Variants in AGPS observed in about 807,000 individuals in gnomAD.
The protein encoded by AGPS is alkyldihydroxyacetonephosphate synthase, peroxisomal.
AGPS carries 26 observed loss-of-function variants against 90.7 expected under a neutral mutation model. The observed-to-expected ratio is 0.29, with a 90% CI of 0.21 to 0.40. AGPS has a LOEUF of 0.40. AGPS is among the 10% of genes least tolerant of loss of function. AGPS has a pLI of 1.00. For synonymous variants in AGPS, 294 were observed against 285.3 expected, an observed-to-expected ratio of 1.03 and a Z score of -0.31; for missense variants, 540 against 816.1, an observed-to-expected ratio of 0.66 and a Z score of 4.12.
intron 1 of AGPS, among the ~76,000 whole-genome samples, chr2:177,414,897 CGTGTGTGT>C (rs397986794): frequency 6.8e-6 from 1 of 146,216 alleles, no homozygotes; most frequent in African/African-American, 2.5e-5. Flanking sequence ...TATGAAGGTT[CGTGTGTGT>C]GTGTGTGTGT....
intron 1 of AGPS, among the ~76,000 whole-genome samples, chr2:177,404,845 A>G (rs969005835): frequency 6.6e-6 from 1 of 152,166 alleles, no homozygotes; most frequent in African/African-American, 2.4e-5. Context: ...CATTATTTTC[A>G]GAAAGTACAT....
At chr2:177,426,487 C>T (rs550714018) in intron 2 of AGPS, among the ~76,000 whole-genome samples, 30 of 152,326 alleles carry the variant, frequency 2.0e-4, no homozygotes, top group South Asian at 1.5e-3. Flanking sequence ...GAGGAGAATG[C>T]TTCCAGCTTT....
At position 177,420,463 on chromosome 2, in the gene AGPS, A is replaced by G. The variant is rs969458750; in HGVS notation, c.350+105A>G. ...TAATGATTCCTCCTTGAGTTTAAAC[A>G]TTATCAACATTTTGCCATAACTGCT... On this transcript the variant is annotated intron_variant, in intron 2 of 19. Transcript: ENST00000264167. 200 of 855,864 alleles carry G rather than the reference A, an allele frequency of 2.3e-4. 1 individual carries two copies. In the South Asian group the frequency reaches 2.3e-3, roughly 10 times the overall value. The allele number at this position is 855,864 out of a possible 1,614,324, so 53.0% of individuals were successfully genotyped here. A position where few individuals can be genotyped will look rare whatever the true frequency, so the allele number is the denominator to read the frequency against.
At chr2:177,434,295 G>C (rs1220808447) in intron 2 of AGPS, 32 bp from the exon 3 acceptor site, 2 of 1,466,048 alleles carry the variant, frequency 1.4e-6, no homozygotes, top group African/African-American at 2.8e-5. Flanking sequence ...AAGATACTTT[G>C]CTCTAATATT....
chr2:177,451,504 C>T (rs1457185380), intron 8 of AGPS, among the ~76,000 whole-genome samples: 1 of 151,848 alleles, frequency 6.6e-6, no homozygotes, highest in Non-Finnish European at 1.5e-5. Flanking sequence ...AGTTTTCTTT[C>T]TTTCTTTCCA....
rs2079256545 is a variant in AGPS, at chr2:177,543,340, A to G, written c.*5145A>G. ...ATAACGAATATTTCTGTTCTGGACA[A>G]TGATTAAATCTTATGAGAAATATAT... On this transcript the variant is annotated 3_prime_UTR_variant, in exon 20 of 20. Transcript: ENST00000264167. The G allele has an allele frequency of 6.6e-6, 1 of 152,160 alleles. No homozygotes were observed. Among genetic ancestry groups the G allele is most frequent in the Non-Finnish European group, 1.5e-5 (1 of 68,036 alleles). The allele number at this position is 152,160 out of a possible 1,614,324, so 9.4% of individuals were successfully genotyped here.
At chr2:177,499,526 C>G in intron 13 of AGPS, 92 bp from the exon 14 acceptor site, 1 of 798,066 alleles carries the variant, frequency 1.3e-6, no homozygotes, top group Non-Finnish European at 2.0e-6. Flanking sequence ...GTATTTGAGC[C>G]CAGATCAGAA....
intron 10 of AGPS, 93 bp downstream of exon 10, chr2:177,468,617 A>G: frequency 1.1e-6 from 1 of 910,710 alleles, no homozygotes; most frequent in South Asian, 1.4e-5. Context: ...TCTTTGAAAG[A>G]CATGTTTTAT....
At chr2:177,530,281 G>A (rs2079127086) in intron 19 of AGPS, among the ~76,000 whole-genome samples, 1 of 152,160 alleles carries the variant, frequency 6.6e-6, no homozygotes. Context: ...ATCGAAGAAT[G>A]TTATTTTCAT....
intron 1 of AGPS, among the ~76,000 whole-genome samples, chr2:177,401,259 A>G (rs1363009993): frequency 6.6e-6 from 1 of 152,174 alleles, no homozygotes; most frequent in East Asian, 1.9e-4. Context: ...GGGCTTTCTC[A>G]TATCTCATAG....
chr2:177,420,039 A>C (rs1277992088), intron 1 of AGPS, among the ~76,000 whole-genome samples: 1 of 151,550 alleles, frequency 6.6e-6, no homozygotes, highest in Non-Finnish European at 1.5e-5. Flanking sequence ...GAATGCATTA[A>C]ATTTATTGGT....
chr2:177,417,431 C>T (rs1685818112), intron 1 of AGPS, among the ~76,000 whole-genome samples: 1 of 152,196 alleles, frequency 6.6e-6, no homozygotes, highest in South Asian at 2.1e-4. Context: ...AAATCTGAAA[C>T]ACTTCTGGTC....
chr2:177,474,000 A>G (rs539699412), intron 10 of AGPS, among the ~76,000 whole-genome samples: 5 of 152,366 alleles, frequency 3.3e-5, no homozygotes, highest in Non-Finnish European at 4.4e-5. Context: ...AATTTAAGTC[A>G]TGATGCCTTC....
intron 1 of AGPS, among the ~76,000 whole-genome samples, chr2:177,413,422 T>C (rs189335921): frequency 2.6e-5 from 4 of 152,324 alleles, no homozygotes; most frequent in Admixed American, 2.6e-4. Context: ...TATGGATTGG[T>C]CAGTATAATA....
At position 177,540,667 on chromosome 2, in the gene AGPS, GTTTATT is replaced by G. The variant is rs1182181085; in HGVS notation, c.*2477_*2482del. The stretch of plus-strand genomic sequence containing the variant: ...TGACACTTCTTAACTCATTTTTAAT[GTTTATT>G]TTTAATTTCAAAAACTTGTTGCCTA... On this transcript the variant is annotated 3_prime_UTR_variant, in exon 20 of 20. Transcript: ENST00000264167. 2 of 151,996 alleles carry G rather than the reference GTTTATT, an allele frequency of 1.3e-5. No individual in the cohort carries two copies. Among genetic ancestry groups the G allele is most frequent in the African/African-American group, 2.4e-5 (1 of 41,414 alleles). The allele number at this position is 151,996 out of a possible 1,614,324, so 9.4% of individuals were successfully genotyped here. A position where few individuals can be genotyped will look rare whatever the true frequency, so the allele number is the denominator to read the frequency against.
chr2:177,521,073 C>T (rs913285072), intron 17 of AGPS, among the ~76,000 whole-genome samples, 196 bp from the exon 18 acceptor site: 2 of 152,190 alleles, frequency 1.3e-5, no homozygotes, highest in African/African-American at 2.4e-5. Context: ...TTTTGCACTG[C>T]GTCCTCAGTT....
intron 12 of AGPS, among the ~76,000 whole-genome samples, chr2:177,496,173 G>T (rs1251210321): frequency 1.3e-5 from 2 of 152,030 alleles, no homozygotes; most frequent in South Asian, 4.1e-4. Context: ...ATCTCGATGA[G>T]TTAAGTGAAC....
At position 177,538,281 on chromosome 2, in the gene AGPS, C is replaced by G. The variant is rs576870801; in HGVS notation, c.*86C>G. On this transcript the variant is annotated 3_prime_UTR_variant, in exon 20 of 20. Coordinates refer to ENST00000264167, the MANE Select transcript of AGPS (RefSeq NM_003659.4). Reference sequence around the variant, plus strand: ...TACTAGTAATCAAATATATCATGGACTATATTTTGGATACATTTGTTTCTT... The same window carrying G: ...TACTAGTAATCAAATATATCATGGAGTATATTTTGGATACATTTGTTTCTT... 206 of 1,364,342 alleles carry G rather than the reference C, an allele frequency of 1.5e-4. No homozygotes were observed. The Admixed American group carries it at 3.7e-3, about 24-fold the overall frequency. 84.5% of individuals were successfully genotyped at this position (1,364,342 alleles called of 1,614,324 possible).
chr2:177,513,032 A>T (rs1688923825), intron 16 of AGPS, among the ~76,000 whole-genome samples: 1 of 151,704 alleles, frequency 6.6e-6, no homozygotes, highest in East Asian at 1.9e-4. Flanking sequence ...TTTAGTAGAG[A>T]CAAGGTCTCA....
Sources: allele counts gnomAD v4.1 joint callset (sites outside exome capture counted in the v4.1 genomes callset), GRCh38; gene constraint gnomAD v4.1.1; transcripts MANE v1.5; gene names NCBI Gene and HGNC (gene_info 2026-07-23, HGNC 2026-07-21).